The following UGT8 variants were observed in gnomAD, a reference collection of about 807,000 sequenced individuals.
UGT8 encodes the protein 2-hydroxyacylsphingosine 1-beta-galactosyltransferase.
Under a neutral mutation model 40.5 loss-of-function variants are expected in UGT8, and 12 were observed. The observed-to-expected ratio is 0.30, with a 90% CI of 0.19 to 0.48. The LOEUF is 0.48. Among genes scored for constraint, UGT8 ranks in the 20% least tolerant of loss-of-function variants. UGT8 has a pLI of 0.99. For synonymous variants in UGT8, 224 were observed against 240.4 expected (o/e 0.93, Z 0.63); for missense variants, 513 against 648.7 (o/e 0.79, Z 2.27).
intron 1 of UGT8, among the ~76,000 whole-genome samples, chr4:114,613,212 G>C (rs1484312068): frequency 1.3e-5 from 2 of 151,874 alleles, no homozygotes; most frequent in Non-Finnish European, 1.5e-5. Flanking sequence ...TAAACTACTT[G>C]AACTGTGAGC....
At chr4:114,618,774 G>A (rs984045776) in intron 1 of UGT8, among the ~76,000 whole-genome samples, 1 of 152,016 alleles carries the variant, frequency 6.6e-6, no homozygotes, top group Middle Eastern at 3.2e-3. Flanking sequence ...TTAACACTGT[G>A]CTATTCAATT....
At chr4:114,640,177 C>T (rs1195667505) in intron 2 of UGT8, among the ~76,000 whole-genome samples, 1 of 151,848 alleles carries the variant, frequency 6.6e-6, no homozygotes, top group Non-Finnish European at 1.5e-5. Context: ...ACTACAGGCG[C>T]CCGCCACCAC....
At chr4:114,655,423 T>C (rs1734124863) in intron 2 of UGT8, among the ~76,000 whole-genome samples, 1 of 152,092 alleles carries the variant, frequency 6.6e-6, no homozygotes, top group Admixed American at 6.6e-5. Context: ...AGGGGCTTAT[T>C]CTAGGTGGTG....
Position 114,611,546 on chromosome 4 carries a change from T to TATATATAC in UGT8, c.-2-11332_-2-11331insTATATACA, listed in dbSNP as rs55742419. Among the ~76,000 whole-genome samples, 18 of 140,638 alleles carry TATATATAC rather than the reference T, an allele frequency of 1.3e-4. No individual in the cohort carries two copies. In the South Asian group the frequency reaches 2.7e-3, roughly 21 times the overall value. The allele number at this position is 140,638 out of a possible 152,430, so 92.3% of individuals were successfully genotyped here. ...ATATATCCATATATATATATATATA[T>TATATATAC]ACACACACACAGATGTTAGAAGACA... On this transcript the variant is annotated intron_variant, in intron 1 of 5. Transcript: ENST00000310836.
chr4:114,647,586 G>A (rs1360671200), intron 2 of UGT8, among the ~76,000 whole-genome samples: 6 of 151,950 alleles, frequency 3.9e-5, no homozygotes, highest in East Asian at 1.9e-4. Context: ...GACTGGTCTC[G>A]AACTCTTGAT....
At chr4:114,601,675 A>T (rs535114536) in intron 1 of UGT8, among the ~76,000 whole-genome samples, 1 of 152,204 alleles carries the variant, frequency 6.6e-6, no homozygotes, top group Non-Finnish European at 1.5e-5. Context: ...GATATAAGTT[A>T]TTCTTTCTTG....
At position 114,598,946 on chromosome 4, in the gene UGT8, A is replaced by T. The variant is rs1730261295; in HGVS notation, c.-31A>T. ...ACAATTACGCGGCAGACACACACTC[A>T]AACTCGCGCGGGGCAGCCAAGAGAC... On this transcript the variant is annotated 5_prime_UTR_variant, in exon 1 of 6. Transcript: ENST00000310836. 6.6e-6 allele frequency: 1 copy of T among 152,140 alleles called. No individual in the cohort carries two copies. The highest frequency in any genetic ancestry group is 2.4e-5 in the African/African-American group (1 of 41,294). 9.4% of individuals were successfully genotyped at this position (152,140 alleles called of 1,614,324 possible). A position where few individuals can be genotyped will look rare whatever the true frequency, so the allele number is the denominator to read the frequency against.
At chr4:114,668,361 G>A (rs56370333) in intron 5 of UGT8, 57 bp downstream of exon 5, 14,432 of 1,386,192 alleles carry the variant, frequency 0.01, 105 homozygotes, top group Non-Finnish European at 0.013. Flanking sequence ...TATATTGTCA[G>A]TAGCCAATTA....
chr4:114,655,517 T>A (rs1336632199), intron 2 of UGT8, among the ~76,000 whole-genome samples: 2 of 152,124 alleles, frequency 1.3e-5, no homozygotes, highest in African/African-American at 2.4e-5. Flanking sequence ...TGTCTTTTTT[T>A]ATTTAATTTT....
chr4:114,659,345 A>C (rs2126128593), intron 2 of UGT8, among the ~76,000 whole-genome samples: 1 of 152,330 alleles, frequency 6.6e-6, no homozygotes, highest in African/African-American at 2.4e-5. Context: ...TTATAGCTAT[A>C]AACAAAATTA....
chr4:114,599,658 A>G (rs914173589), intron 1 of UGT8, among the ~76,000 whole-genome samples: 2 of 152,166 alleles, frequency 1.3e-5, no homozygotes, highest in African/African-American at 4.8e-5. Context: ...GTGCCCTTGC[A>G]TTAGAGAAGC....
chr4:114,640,184 C>G (rs1733132644), intron 2 of UGT8, among the ~76,000 whole-genome samples: 1 of 151,976 alleles, frequency 6.6e-6, no homozygotes, highest in South Asian at 2.1e-4. Flanking sequence ...GCGCCCGCCA[C>G]CACGCCTGGC....
chr4:114,635,067 A>G (rs1431690566), intron 2 of UGT8, among the ~76,000 whole-genome samples: 2 of 152,048 alleles, frequency 1.3e-5, no homozygotes, highest in African/African-American at 4.8e-5. Context: ...ATAATTAGAA[A>G]TAGACTTAAG....
chr4:114,620,456 G>T (rs1289853041), intron 1 of UGT8, among the ~76,000 whole-genome samples: 1 of 152,178 alleles, frequency 6.6e-6, no homozygotes, highest in African/African-American at 2.4e-5. Context: ...CATAGGTGAG[G>T]CAGTACAGTA....
chr4:114,673,647 T>G (rs1031969347), intron 5 of UGT8, among the ~76,000 whole-genome samples: 12 of 152,214 alleles, frequency 7.9e-5, no homozygotes, highest in Non-Finnish European at 1.5e-4. Context: ...ATATACACAG[T>G]GACATTAAGG....
At chr4:114,631,408 AC>A (rs1732563798) in intron 2 of UGT8, among the ~76,000 whole-genome samples, 1 of 152,104 alleles carries the variant, frequency 6.6e-6, no homozygotes, top group Non-Finnish European at 1.5e-5. Flanking sequence ...AATCGCTTGA[AC>A]CCGTGAGGCA....
intron 5 of UGT8, among the ~76,000 whole-genome samples, chr4:114,673,969 A>G (rs1330887530): frequency 6.6e-6 from 1 of 152,164 alleles, no homozygotes; most frequent in African/African-American, 2.4e-5. Flanking sequence ...TGAGAGAGAA[A>G]ACGTGCCTGT....
At chr4:114,616,499 A>C (rs1731443465) in intron 1 of UGT8, among the ~76,000 whole-genome samples, 2 of 151,822 alleles carry the variant, frequency 1.3e-5, no homozygotes, top group Non-Finnish European at 2.9e-5. Flanking sequence ...GCCTTCTGTC[A>C]CCCCTTTCTT....
At chr4:114,656,926 T>C (rs756706676) in intron 2 of UGT8, 28 of 440,130 alleles carry the variant, frequency 6.4e-5, no homozygotes, top group Non-Finnish European at 1.1e-4. Flanking sequence ...TTCTTTGATA[T>C]GTCCCAAGTG....
Sources: allele counts gnomAD v4.1 joint callset (sites outside exome capture counted in the v4.1 genomes callset), GRCh38; gene constraint gnomAD v4.1.1; transcripts MANE v1.5; gene names NCBI Gene and HGNC (gene_info 2026-07-23, HGNC 2026-07-21).